Variants in PHACTR3 observed in about 807,000 individuals in gnomAD.
PHACTR3 encodes the protein protein phosphatase 1, regulatory subunit 123.
Under a neutral mutation model 66.8 loss-of-function variants are expected in PHACTR3, and 16 were observed. The observed-to-expected ratio is 0.24, with a 90% CI of 0.16 to 0.36. The LOEUF (loss-of-function observed/expected upper bound fraction) is 0.36, where lower values mean the gene tolerates loss of function less well. Among genes scored for constraint, PHACTR3 ranks in the 10% least tolerant of loss-of-function variants. The pLI is 1.00. For synonymous variants in PHACTR3, 323 were observed against 292.1 expected (o/e 1.11, Z -1.08); for missense variants, 647 against 719.9 (o/e 0.90, Z 1.16).
chr20:59,828,212 G>T (rs1386071609), intron 8 of PHACTR3, among the ~76,000 whole-genome samples: 2 of 147,916 alleles, frequency 1.4e-5, no homozygotes, highest in Non-Finnish European at 3.0e-5. Context: ...CAAAATGCCA[G>T]AAACCTCTCC....
At chr20:59,792,212 G>C (rs2041125112) in intron 7 of PHACTR3, among the ~76,000 whole-genome samples, 1 of 152,168 alleles carries the variant, frequency 6.6e-6, no homozygotes, top group Non-Finnish European at 1.5e-5. Context: ...GCATCAACCA[G>C]GTCTCATCTG....
chr20:59,621,680 G>T (rs1439925301), intron 1 of PHACTR3, among the ~76,000 whole-genome samples: 1 of 152,238 alleles, frequency 6.6e-6, no homozygotes, highest in Non-Finnish European at 1.5e-5. Context: ...CTTCCCTGAA[G>T]GAGCTGTACA....
chr20:59,756,444 C>T (rs1046328458), intron 4 of PHACTR3, among the ~76,000 whole-genome samples: 1 of 152,200 alleles, frequency 6.6e-6, no homozygotes, highest in African/African-American at 2.4e-5. Flanking sequence ...AGGGTGGCAC[C>T]ACACACTCGC....
intron 1 of PHACTR3, among the ~76,000 whole-genome samples, chr20:59,694,223 T>C (rs1274056618): frequency 6.6e-6 from 1 of 152,100 alleles, no homozygotes; most frequent in Non-Finnish European, 1.5e-5. Context: ...CTGAAATGAG[T>C]GTCCTTTTCA....
intron 1 of PHACTR3, among the ~76,000 whole-genome samples, chr20:59,707,511 A>G (rs1601152297): frequency 8.1e-6 from 1 of 123,602 alleles, no homozygotes. Flanking sequence ...CCCAGGTTGG[A>G]GTGCAGTGGC....
intron 1 of PHACTR3, among the ~76,000 whole-genome samples, chr20:59,653,708 CTTA>C (rs148138137): frequency 0.031 from 4,729 of 152,116 alleles, 237 homozygotes; most frequent in African/African-American, 0.11. Flanking sequence ...AATCAAGATT[CTTA>C]TTATGAAAGA....
intron 1 of PHACTR3, among the ~76,000 whole-genome samples, chr20:59,685,444 C>T (rs996099855): frequency 3.9e-5 from 6 of 152,188 alleles, no homozygotes; most frequent in Non-Finnish European, 8.8e-5. Flanking sequence ...TCATTTTCCT[C>T]ATCTGTAAGA....
intron 1 of PHACTR3, among the ~76,000 whole-genome samples, chr20:59,737,247 C>T (rs937055728): frequency 1.4e-4 from 21 of 152,132 alleles, no homozygotes; most frequent in African/African-American, 4.1e-4. Flanking sequence ...GTCGGTCAGT[C>T]GACACCTGCC....
intron 4 of PHACTR3, among the ~76,000 whole-genome samples, chr20:59,758,145 C>G (rs2039872276): frequency 6.6e-6 from 1 of 152,148 alleles, no homozygotes; most frequent in Non-Finnish European, 1.5e-5. Context: ...GTGCATGGTT[C>G]CCTGGGGACT....
At chr20:59,657,663 A>C (rs2035665489) in intron 1 of PHACTR3, among the ~76,000 whole-genome samples, 1 of 152,148 alleles carries the variant, frequency 6.6e-6, no homozygotes, top group African/African-American at 2.4e-5. Flanking sequence ...TTCTGATAGA[A>C]GTCTGCTGTT....
At chr20:59,703,713 G>GTA (rs1284725751) in intron 1 of PHACTR3, among the ~76,000 whole-genome samples, 1 of 152,036 alleles carries the variant, frequency 6.6e-6, no homozygotes, top group African/African-American at 2.4e-5. Flanking sequence ...GAGTGTGTGT[G>GTA]TGTGTAATTT....
chr20:59,740,126 C>G (rs969431747), intron 1 of PHACTR3, among the ~76,000 whole-genome samples: 14 of 152,122 alleles, frequency 9.2e-5, no homozygotes, highest in Non-Finnish European at 1.8e-4. Context: ...TTCTATTGCT[C>G]ATATCATAGA....
At chr20:59,827,487 G>T (rs4810192) in intron 8 of PHACTR3, among the ~76,000 whole-genome samples, 1 of 152,006 alleles carries the variant, frequency 6.6e-6, no homozygotes, top group Non-Finnish European at 1.5e-5. Context: ...GAGACAGTGC[G>T]GTGTGCAGCT....
chr20:59,698,505 C>T (rs1004386152), intron 1 of PHACTR3, among the ~76,000 whole-genome samples: 1 of 152,072 alleles, frequency 6.6e-6, no homozygotes, highest in African/African-American at 2.4e-5. Context: ...TAAACACACA[C>T]CAGATGATAG....
chr20:59,815,551 A>G (rs754136658), intron 8 of PHACTR3, among the ~76,000 whole-genome samples: 1 of 150,902 alleles, frequency 6.6e-6, no homozygotes. Context: ...CAGCCTCCCA[A>G]TTAGCTGGGA....
chr20:59,638,325 T>C (rs1340690232), intron 1 of PHACTR3, among the ~76,000 whole-genome samples: 1 of 152,148 alleles, frequency 6.6e-6, no homozygotes, highest in Non-Finnish European at 1.5e-5. Flanking sequence ...CTATGCCTTA[T>C]ACACAGTAGA....
chr20:59,767,076 C>A, intron 4 of PHACTR3, 110 bp from the exon 5 acceptor site: 1 of 1,066,080 alleles, frequency 9.4e-7, no homozygotes, highest in Non-Finnish European at 1.4e-6. Context: ...GGTCACTGCT[C>A]TGTATGCTCT....
At chr20:59,749,143 G>A (rs6128677) in intron 3 of PHACTR3, among the ~76,000 whole-genome samples, 4,020 of 152,266 alleles carry the variant, frequency 0.026, 169 homozygotes, top group East Asian at 0.2. Context: ...GGCGGAATGC[G>A]GTTGCTGAGC....
intron 1 of PHACTR3, among the ~76,000 whole-genome samples, chr20:59,682,351 CAA>C (rs2036691968): frequency 8.2e-6 from 1 of 122,590 alleles, no homozygotes; most frequent in African/African-American, 2.7e-5. Context: ...AAAACAAAAA[CAA>C]ACAAAACAAA....
Sources: allele counts gnomAD v4.1 joint callset (sites outside exome capture counted in the v4.1 genomes callset), GRCh38; gene constraint gnomAD v4.1.1; transcripts MANE v1.5; gene names NCBI Gene and HGNC (gene_info 2026-07-23, HGNC 2026-07-21).